The following SMYD5 variants were observed in gnomAD, a reference collection of about 807,000 sequenced individuals.
SMYD5 encodes the protein protein-lysine N-trimethyltransferase SMYD5.
Under a neutral mutation model 57.4 loss-of-function variants are expected in SMYD5, and 35 were observed. The observed-to-expected ratio is 0.61, with a 90% CI of 0.47 to 0.81. SMYD5 has a LOEUF of 0.81. Among genes scored for constraint, SMYD5 ranks in the 30% least tolerant of loss-of-function variants. The probability of loss-of-function intolerance (pLI) is 0.00; values close to 1 mark genes in which losing one functional copy is unlikely to be tolerated. For missense variants in SMYD5, 471 were observed against 527.9 expected (o/e 0.89, Z 1.06); for synonymous variants, 198 against 189.7 (o/e 1.04, Z -0.36).
intron 8 of SMYD5, 94 bp downstream of exon 8, chr2:73,223,200 T>A: frequency 9.5e-7 from 1 of 1,047,800 alleles, no homozygotes; most frequent in Admixed American, 1.7e-5. Flanking sequence ...TGGGGTAGGG[T>A]GGGACTCTGG....
rs747204284 is a variant in SMYD5, at chr2:73,218,897, G to C, written c.133G>C (p.Gly45Arg). ...GTTTGCCACACAGCTCATCCGGAAGGGGGAGACCATCTTCGTAGAACGGCC... is the reference window on the plus strand; with the variant it reads ...GTTTGCCACACAGCTCATCCGGAAGCGGGAGACCATCTTCGTAGAACGGCC... ...GLFATQLIRK[G>R]ETIFVERPLV... The change falls in exon 2 of 13, where the codon GGG becomes CGG. Residue 45 changes from glycine to arginine, a missense_variant. Coordinates refer to ENST00000389501, the MANE Select transcript of SMYD5 (RefSeq NM_006062.3). 2 of 1,614,162 alleles carry C rather than the reference G, an allele frequency of 1.2e-6. No homozygotes were observed. The highest frequency in any genetic ancestry group is 2.2e-5 in the South Asian group (2 of 91,086).
intron 5 of SMYD5, 68 bp from the exon 6 acceptor site, chr2:73,221,758 C>T: frequency 9.1e-7 from 1 of 1,095,448 alleles, no homozygotes; most frequent in African/African-American, 1.5e-5. Context: ...GTGGTATTTC[C>T]CAAGTGGGCG....
chr2:73,214,537 G>C (rs527806707), intron 1 of SMYD5, 175 bp downstream of exon 1: 2 of 1,478,510 alleles, frequency 1.4e-6, no homozygotes, highest in Admixed American at 2.3e-5. Context: ...CTCGTGGCGC[G>C]GTCACGCGAT....
Position 73,221,905 on chromosome 2 carries a change from A to G in SMYD5, c.617A>G (p.His206Arg). 6.2e-7 allele frequency: 1 copy of G among 1,612,230 alleles called. No homozygotes were observed. Among genetic ancestry groups the G allele is most frequent in the Non-Finnish European group, 8.5e-7 (1 of 1,178,230 alleles). The change falls in exon 6 of 13, where the codon CAT (histidine) becomes CGT (arginine). Residue 206 changes from histidine (H) to arginine (R), a missense_variant. Physicochemically the swap from His to Arg is conservative, Grantham distance 29. Transcript: ENST00000389501. ...KTANEEEEIV[H>R]KLLGDKFKGQ... ...GCCAATGAAGAGGAGGAAATTGTCC[A>G]TAAACTTCTGGGAGACAAATTCAAG... is the stretch of plus-strand genomic sequence containing the variant.
intron 4 of SMYD5, 81 bp from the exon 5 acceptor site, chr2:73,221,084 C>G: frequency 7.9e-7 from 1 of 1,269,182 alleles, no homozygotes; most frequent in Non-Finnish European, 1.2e-6. Flanking sequence ...GAAGTTTTCT[C>G]TGTACCAGTC....
chr2:73,225,939 A>C lies in SMYD5; in HGVS notation c.1250A>C (p.Asp417Ala). The C allele has an allele frequency of 6.2e-7, 1 of 1,613,194 alleles. No individual in the cohort carries two copies. The highest frequency in any genetic ancestry group is 2.2e-5 in the East Asian group (1 of 44,878). Reference protein sequence around the residue: ...EDAELGDEMTDV With the variant: ...EDAELGDEMTAV ...GCAGAGCTGGGGGATGAGATGACTG[A>C]TGTGTGATGTTGCCCTGCCCAGAAA... Residue 417 changes from aspartate to alanine, a missense_variant, in exon 13 of 13, where the codon GAT becomes GCT. Asp to Ala is a moderately radical substitution (Grantham distance 126). Transcript: ENST00000389501.
intron 1 of SMYD5, among the ~76,000 whole-genome samples, chr2:73,217,699 A>G (rs1686315959): frequency 6.6e-6 from 1 of 152,204 alleles, no homozygotes; most frequent in African/African-American, 2.4e-5. Flanking sequence ...CTAAGGAGGC[A>G]GGGAGCTACC....
At chr2:73,225,489 G>A in intron 11 of SMYD5, 142 bp from the exon 12 acceptor site, 1 of 748,220 alleles carries the variant, frequency 1.3e-6, no homozygotes, top group Non-Finnish European at 2.3e-6. Flanking sequence ...CTGGATGAGG[G>A]CAGCCAGCCC....
chr2:73,224,970 A>G lies in SMYD5; in HGVS notation c.1035+10A>G. 1 of 1,609,170 alleles carries G rather than the reference A, an allele frequency of 6.2e-7. No individual in the cohort carries two copies. Among genetic ancestry groups the G allele is most frequent in the Non-Finnish European group, 8.5e-7 (1 of 1,176,094 alleles). On this transcript the variant is annotated intron_variant, in intron 11 of 12. Transcript: ENST00000389501. ...TATTAAGCCAGGAGAGGTGAGGGGGACCAGGAACCGTCGGGATGGGTGGGC... is the reference window on the plus strand; with the variant it reads ...TATTAAGCCAGGAGAGGTGAGGGGGGCCAGGAACCGTCGGGATGGGTGGGC...
chr2:73,220,674 G>T lies in SMYD5; in HGVS notation c.359G>T (p.Ser120Ile). The T allele has an allele frequency of 6.2e-7, 1 of 1,614,086 alleles. No homozygotes were observed. Among genetic ancestry groups the T allele is most frequent in the Non-Finnish European group, 8.5e-7 (1 of 1,180,034 alleles). The change falls in exon 4 of 13, where the codon AGT (serine) becomes ATT (isoleucine). Residue 120 changes from serine (S) to isoleucine (I), a missense_variant. Coordinates refer to ENST00000389501, the MANE Select transcript of SMYD5 (RefSeq NM_006062.3). ...CCCACCTAACAGGTGATGTACTGCA[G>T]TGCAGAATGTCGGTTGGCAGCCACT... is the stretch of plus-strand genomic sequence containing the variant. ...NCPHCQVMYC[S>I]AECRLAATEQ...
intron 3 of SMYD5, among the ~76,000 whole-genome samples, chr2:73,220,414 T>C (rs1238930944): frequency 6.6e-6 from 1 of 152,098 alleles, no homozygotes; most frequent in East Asian, 1.9e-4. Flanking sequence ...AAAATGGGCT[T>C]GGTGGGAGCT....
intron 8 of SMYD5, 26 bp downstream of exon 8, chr2:73,223,132 G>A (rs758697647): frequency 6.3e-7 from 1 of 1,597,686 alleles, no homozygotes; most frequent in Non-Finnish European, 8.6e-7. Flanking sequence ...AGCTATTGAA[G>A]TTACTCTCAG....
rs772615030 is a variant in SMYD5, at chr2:73,220,785, A to G, written c.467+3A>G. On this transcript the variant is annotated splice_donor_region_variant and intron_variant, in intron 4 of 12. Transcript: ENST00000389501. ...AATAAGCTTCAGGAGGCATGGAGGT[A>G]GGTTTCTTTTCCTCTCTTCTTTCCT... The G allele has an allele frequency of 6.2e-7, 1 of 1,613,500 alleles. No homozygotes were observed. The highest frequency in any genetic ancestry group is 8.5e-7 in the Non-Finnish European group (1 of 1,179,742).
At chr2:73,225,183 C>T in intron 11 of SMYD5, 2 of 520,680 alleles carry the variant, frequency 3.8e-6, no homozygotes. Flanking sequence ...GTTTGAGGGA[C>T]ACCTATGTGC....
At chr2:73,223,898 C>A (rs926543929) in intron 9 of SMYD5, 49 bp from the exon 10 acceptor site, 1 of 1,575,700 alleles carries the variant, frequency 6.3e-7, no homozygotes, top group Non-Finnish European at 8.7e-7. Flanking sequence ...TTTCCTTTTC[C>A]TGCCTTTAAA....
chr2:73,223,509 AG>A lies in SMYD5; in HGVS notation c.861del (p.Gln287HisfsTer104), dbSNP rs1686437974. ...GAGCAGCTTGACGCCTTCATTGACCAGCTATACAAGGACATCGAGGCAGGTT... is the reference window on the plus strand; with the variant it reads ...GAGCAGCTTGACGCCTTCATTGACCACTATACAAGGACATCGAGGCAGGTT... ...DREQLDAFID[Q>X]LYKDIEAATG... is the part of the protein sequence containing the mutation. On this transcript the variant is annotated frameshift_variant, in exon 9 of 13. Transcript: ENST00000389501. LOFTEE classifies it high-confidence loss of function. The A allele has an allele frequency of 6.2e-7, 1 of 1,613,796 alleles. No individual in the cohort carries two copies. The highest frequency in any genetic ancestry group is 8.5e-7 in the Non-Finnish European group (1 of 1,179,696).
In SMYD5 at chr2:73,224,015, C is replaced by G. The variant is rs772318396; in HGVS notation, c.940+12C>G. ...GCTTCAGAGCTGCTGTGAGTCATGGCGTTGAGGAGGGATGGTCCCAGGCGC... is the reference window on the plus strand; with the variant it reads ...GCTTCAGAGCTGCTGTGAGTCATGGGGTTGAGGAGGGATGGTCCCAGGCGC... On this transcript the variant is annotated intron_variant, in intron 10 of 12. Coordinates refer to ENST00000389501, the MANE Select transcript of SMYD5 (RefSeq NM_006062.3). The G allele has an allele frequency of 1.1e-5, 17 of 1,613,238 alleles. No individual in the cohort carries two copies. The highest frequency in any genetic ancestry group is 1.4e-5 in the Non-Finnish European group (17 of 1,179,312).
In SMYD5 at chr2:73,225,855, A is replaced by T; in HGVS notation, c.1166A>T (p.Asn389Ile). The change falls in exon 13 of 13, where the codon AAT becomes ATT. Residue 389 changes from asparagine (N) to isoleucine (I), a missense_variant. By Grantham distance (149) the Asn-to-Ile change is moderately radical (BLOSUM62 -3). Transcript: ENST00000389501. ...PKCLAEADEP[N>I]VTSEEEEEEE... Reference sequence around the variant, plus strand: ...TGCCTGGCAGAGGCTGATGAACCCAATGTGACCTCAGAAGAGGAAGAGGAA... The same window carrying T: ...TGCCTGGCAGAGGCTGATGAACCCATTGTGACCTCAGAAGAGGAAGAGGAA... The T allele has an allele frequency of 6.2e-7, 1 of 1,614,120 alleles. No homozygotes were observed. The highest frequency in any genetic ancestry group is 8.5e-7 in the Non-Finnish European group (1 of 1,179,984).
In SMYD5 at chr2:73,224,866, G is replaced by A. The variant is rs1260970428; in HGVS notation, c.941G>A (p.Cys314Tyr). The change falls in exon 11 of 13, where the codon TGC becomes TAC. Residue 314 changes from cysteine to tyrosine, a missense_variant and splice_region_variant. Cys to Tyr is a radical substitution (Grantham distance 194). Coordinates refer to ENST00000389501, the MANE Select transcript of SMYD5 (RefSeq NM_006062.3). Reference sequence around the variant, plus strand: ...TCATTACCTGCCTCTTATGATCCAGGCAACCACAGTTGTGTGCCCAATGCA... The same window carrying A: ...TCATTACCTGCCTCTTATGATCCAGACAACCACAGTTGTGTGCCCAATGCA... Reference protein sequence around the residue: ...GSGLFVLQSCCNHSCVPNAET... With the variant: ...GSGLFVLQSCYNHSCVPNAET... The A allele has an allele frequency of 1.2e-6, 2 of 1,611,080 alleles. No homozygotes were observed. The highest frequency in any genetic ancestry group is 2.2e-5 in the East Asian group (1 of 44,858).
Sources: allele counts gnomAD v4.1 joint callset (sites outside exome capture counted in the v4.1 genomes callset), GRCh38; gene constraint gnomAD v4.1.1; transcripts MANE v1.5; gene names NCBI Gene and HGNC (gene_info 2026-07-23, HGNC 2026-07-21).